Variants in BCAT1 observed in about 807,000 individuals in gnomAD.
BCAT1 encodes the protein branched-chain-amino-acid aminotransferase, cytosolic.
Under a neutral mutation model 52.4 loss-of-function variants are expected in BCAT1, and 48 were observed. The ratio of observed to expected loss-of-function variants is 0.92; its 90% confidence interval spans 0.73 to 1.16. The LOEUF (loss-of-function observed/expected upper bound fraction) is 1.16, where lower values mean the gene tolerates loss of function less well. Ranked by LOEUF, BCAT1 falls within the 50% of genes most tolerant of loss-of-function variation. The pLI, the probability that BCAT1 is intolerant of heterozygous loss-of-function variation, is 0.00. For missense variants in BCAT1, 451 were observed against 457.1 expected (o/e 0.99, Z 0.12); for synonymous variants, 167 against 161.3 (o/e 1.04, Z -0.27).
intron 5 of BCAT1, among the ~76,000 whole-genome samples, chr12:24,869,684 C>T (rs1016502248): frequency 6.6e-6 from 1 of 152,084 alleles, no homozygotes. Context: ...GAATACCATA[C>T]CAGATGGGAG....
rs1405515434 is a variant in BCAT1 at position 24,816,308 on chromosome 12, A to C, written c.*1700T>G. 9 of 391,034 alleles carry C rather than the reference A, an allele frequency of 2.3e-5. No homozygotes were observed. Among genetic ancestry groups the C allele is most frequent in the Non-Finnish European group, 3.6e-5 (8 of 221,886 alleles). The allele number at this position is 391,034 out of a possible 1,614,324, so 24.2% of individuals were successfully genotyped here. A position where few individuals can be genotyped will look rare whatever the true frequency, so the allele number is the denominator to read the frequency against. ...TATTTTCCTTCTCTGAAAAGAGAAT[A>C]AAATATGTTCAGCAAGAAGGAAGTT... On this transcript the variant is annotated 3_prime_UTR_variant, in exon 11 of 11. Coordinates refer to ENST00000261192, the MANE Select transcript of BCAT1 (RefSeq NM_005504.7).
chr12:24,908,349 C>T (rs1197021976), intron 1 of BCAT1, among the ~76,000 whole-genome samples: 1 of 152,248 alleles, frequency 6.6e-6, no homozygotes, highest in Admixed American at 6.5e-5. Flanking sequence ...CAGGTAGCCA[C>T]TAAGCCACAT....
intron 1 of BCAT1, 40 bp downstream of exon 1, chr12:24,948,887 C>A (rs1385457701): frequency 6.3e-7 from 1 of 1,584,150 alleles, no homozygotes; most frequent in Middle Eastern, 1.7e-4. Flanking sequence ...GATTCACGCA[C>A]ACATTTTTGT....
In BCAT1 at chr12:24,878,586, C is replaced by T; in HGVS notation, c.454G>A (p.Val152Ile). ...AGACTAGCAGATGTTGAATATGGGA[C>T]CCATTCTTGATCCAATTTCACAAGC... ...QQLVKLDQEW[V>I]PYSTSASLYI... The change falls in exon 5 of 11, where the codon GTC (valine) becomes ATC (isoleucine). Residue 152 changes from valine to isoleucine, a missense_variant. Coordinates refer to ENST00000261192, the MANE Select transcript of BCAT1 (RefSeq NM_005504.7). The T allele has an allele frequency of 6.2e-7, 1 of 1,610,942 alleles. No individual in the cohort carries two copies. The highest frequency in any genetic ancestry group is 8.5e-7 in the Non-Finnish European group (1 of 1,177,456).
chr12:24,834,351 T>C (rs1940830685), intron 8 of BCAT1: 12 of 985,072 alleles, frequency 1.2e-5, no homozygotes, highest in Non-Finnish European at 1.3e-5. Flanking sequence ...TATAACCTCA[T>C]TGACTTCTGC....
At chr12:24,934,195 T>C (rs1418263799) in intron 1 of BCAT1, among the ~76,000 whole-genome samples, 2 of 152,232 alleles carry the variant, frequency 1.3e-5, no homozygotes, top group Non-Finnish European at 2.9e-5. Flanking sequence ...TTAACTCCTA[T>C]ATCATCATAA....
chr12:24,855,253 G>A (rs1941639550), intron 5 of BCAT1, among the ~76,000 whole-genome samples: 1 of 149,336 alleles, frequency 6.7e-6, no homozygotes. Context: ...CGAGGGAACT[G>A]AGACAACTCT....
chr12:24,847,276 T>C (rs7973974), intron 6 of BCAT1, among the ~76,000 whole-genome samples: 37,651 of 152,098 alleles, frequency 0.25, 4,728 homozygotes, highest in Non-Finnish European at 0.27. Flanking sequence ...CCCATATCCC[T>C]TTCTCCCCAT....
chr12:24,873,029 G>A (rs1367026885), intron 5 of BCAT1, among the ~76,000 whole-genome samples: 2 of 152,176 alleles, frequency 1.3e-5, no homozygotes, highest in Non-Finnish European at 2.9e-5. Flanking sequence ...AAAGGTCTGG[G>A]TCTGTGTGTC....
intron 1 of BCAT1, among the ~76,000 whole-genome samples, chr12:24,930,684 G>T (rs886340232): frequency 6.6e-6 from 1 of 152,086 alleles, no homozygotes; most frequent in Non-Finnish European, 1.5e-5. Flanking sequence ...TCCTTGCTTG[G>T]CTGACAATTT....
chr12:24,924,277 C>T (rs1943547248), intron 1 of BCAT1, among the ~76,000 whole-genome samples: 1 of 152,158 alleles, frequency 6.6e-6, no homozygotes, highest in African/African-American at 2.4e-5. Flanking sequence ...CACAAGAATG[C>T]TACTCAATGC....
At chr12:24,890,950 G>A (rs1326301003) in intron 3 of BCAT1, among the ~76,000 whole-genome samples, 2 of 152,148 alleles carry the variant, frequency 1.3e-5, no homozygotes, top group Non-Finnish European at 2.9e-5. Context: ...TGAATTGGAG[G>A]ACACCCAGCT....
At chr12:24,901,033 T>C (rs1310934044) in intron 2 of BCAT1, among the ~76,000 whole-genome samples, 1 of 152,248 alleles carries the variant, frequency 6.6e-6, no homozygotes, top group Admixed American at 6.5e-5. Context: ...TAAAAATTCC[T>C]TGCAAGTAGA....
At chr12:24,824,052 T>C (rs1345696728) in intron 10 of BCAT1, among the ~76,000 whole-genome samples, 2 of 152,208 alleles carry the variant, frequency 1.3e-5, no homozygotes, top group African/African-American at 4.8e-5. Context: ...TTTTGATGAG[T>C]TGCATTTCTG....
chr12:24,908,286 A>T (rs573948378), intron 1 of BCAT1, among the ~76,000 whole-genome samples: 66 of 152,300 alleles, frequency 4.3e-4, no homozygotes, highest in African/African-American at 1.6e-3. Context: ...AAGAGATTGG[A>T]TCAATGCTTT....
intron 2 of BCAT1, among the ~76,000 whole-genome samples, chr12:24,895,530 A>G (rs1942940785): frequency 6.6e-6 from 1 of 151,868 alleles, no homozygotes. Flanking sequence ...TGTCTCAGAA[A>G]AAAAAAAAAG....
At position 24,829,812 on chromosome 12, in the gene BCAT1, A is replaced by G. The variant is rs1940575029; in HGVS notation, c.1119+11T>C. 2 of 1,589,352 alleles carry G rather than the reference A, an allele frequency of 1.3e-6. No homozygotes were observed. Among genetic ancestry groups the G allele is most frequent in the South Asian group, 2.3e-5 (2 of 86,514 alleles). ...AAAAGGAAAGAAAAGAAAAGAAAAG[A>G]AAAGCTTTACCTGGATATCAGTTAA... On this transcript the variant is annotated intron_variant, in intron 10 of 10. Transcript: ENST00000261192.
chr12:24,863,484 CA>C (rs1246200078), intron 5 of BCAT1, among the ~76,000 whole-genome samples: 1 of 152,158 alleles, frequency 6.6e-6, no homozygotes, highest in African/African-American at 2.4e-5. Context: ...GGGAAAAAGA[CA>C]AGAATTATCA....
chr12:24,919,170 A>G (rs1371650420), intron 1 of BCAT1, among the ~76,000 whole-genome samples: 1 of 152,254 alleles, frequency 6.6e-6, no homozygotes, highest in Non-Finnish European at 1.5e-5. Context: ...CATAAAGTCA[A>G]TTGTGTTAGG....
Sources: allele counts gnomAD v4.1 joint callset (sites outside exome capture counted in the v4.1 genomes callset), GRCh38; gene constraint gnomAD v4.1.1; transcripts MANE v1.5; gene names NCBI Gene and HGNC (gene_info 2026-07-23, HGNC 2026-07-21).